DMD: variants seen among roughly 807,000 people sequenced by gnomAD.
DMD encodes the protein mutant dystrophin.
A neutral mutation model predicts 330.1 loss-of-function variants in DMD; 63 were observed. The ratio of observed to expected loss-of-function variants is 0.19; its 90% CI spans 0.16 to 0.24. The LOEUF is 0.24. DMD is among the 10% of genes least tolerant of loss of function. The probability of loss-of-function intolerance (pLI) is 1.00; values close to 1 mark genes in which losing one functional copy is unlikely to be tolerated. For synonymous variants in DMD, 1,223 were observed against 959.8 expected (o/e 1.27, Z -5.07); for missense variants, 3,344 against 2,684.1 (o/e 1.25, Z -5.43).
At chrX:31,511,129 C>T (rs1235876184) in intron 55 of DMD, among the ~76,000 whole-genome samples, 2 of 109,919 alleles carry the variant, frequency 1.8e-5, no homozygotes, top group Admixed American at 2.0e-4. Flanking sequence ...GAACCCAAGG[C>T]TCTCTTTCAA....
chrX:32,899,542 C>T (rs1205382537), intron 2 of DMD, among the ~76,000 whole-genome samples: 1 of 108,328 alleles, frequency 9.2e-6, no homozygotes, highest in Non-Finnish European at 1.9e-5. Flanking sequence ...GTCGTGGTGG[C>T]ACGTGCCTGT....
chrX:32,362,721 G>C, intron 37 of DMD, 67 bp downstream of exon 37: 1 of 1,152,051 alleles, frequency 8.7e-7, no homozygotes, highest in Non-Finnish European at 1.2e-6. Flanking sequence ...GCCCCTTTCA[G>C]AGTACTGCGC....
At chrX:32,292,269 T>C (rs1185292962) in intron 42 of DMD, among the ~76,000 whole-genome samples, 1 of 105,003 alleles carries the variant, frequency 9.5e-6, no homozygotes, top group Middle Eastern at 5.1e-3. Flanking sequence ...TAGATAAATA[T>C]AAATTTTAAC....
chrX:31,786,666 G>C (rs982904430), intron 50 of DMD, among the ~76,000 whole-genome samples: 1 of 111,563 alleles, frequency 9.0e-6, no homozygotes, highest in Non-Finnish European at 1.9e-5. Flanking sequence ...TTGTGGTGTG[G>C]TTGCATTGAC....
In DMD at chrX:31,857,903, TTCAG is replaced by T. The variant is rs2093641769; in HGVS notation, c.7098+17281_7098+17284del. ...CATGAATCACATACTGATTCATTCA[TTCAG>T]TATGTGAATGCATGAGTCTAATCCC... On this transcript the variant is annotated intron_variant, in intron 48 of 78. Coordinates refer to ENST00000357033, the MANE Select transcript of DMD (RefSeq NM_004006.3). Among the ~76,000 whole-genome samples the T allele has an allele frequency of 5.4e-5, 6 of 110,429 alleles. No individual in the cohort carries two copies. In the Admixed American group the frequency reaches 5.8e-4, roughly 11 times the overall value.
chrX:32,269,147 C>T (rs966290054), intron 43 of DMD, among the ~76,000 whole-genome samples: 4 of 110,768 alleles, frequency 3.6e-5, no homozygotes, highest in Non-Finnish European at 5.7e-5. Context: ...AACTGGTATA[C>T]GACCTTCCTC....
rs2032544538 is a variant in DMD at position 31,121,510 on chromosome X, C to CTTTAG, written c.*404_*408dup. On this transcript the variant is annotated 3_prime_UTR_variant, in exon 79 of 79. Transcript: ENST00000357033. ...AAACAACTTTTTTTTATAAAGCACACTTTAGTTTACAATCTTTCTTTATAA... is the reference window on the plus strand; with the variant it reads ...AAACAACTTTTTTTTATAAAGCACACTTTAGTTTAGTTTACAATCTTTCTTTATAA... 5.2e-6 allele frequency: 1 copy of CTTTAG among 191,891 alleles called. No individual in the cohort carries two copies. The allele number at this position is 191,891 out of a possible 1,213,427, so 15.8% of individuals were successfully genotyped here.
At chrX:32,151,452 A>T (rs962657276) in intron 44 of DMD, 1 of 111,705 alleles carries the variant, frequency 9.0e-6, no homozygotes, top group Non-Finnish European at 1.9e-5. Context: ...CAAAGTGACA[A>T]TCATCAAGGG....
chrX:32,874,266 A>G (rs769296894), intron 2 of DMD, among the ~76,000 whole-genome samples: 3 of 112,155 alleles, frequency 2.7e-5, no homozygotes, highest in Non-Finnish European at 3.8e-5. Context: ...TCATTTTTAC[A>G]GAGAGCCAAA....
chrX:32,575,452 T>C (rs1421991390), intron 13 of DMD, among the ~76,000 whole-genome samples: 1 of 112,331 alleles, frequency 8.9e-6, no homozygotes, highest in East Asian at 2.8e-4. Flanking sequence ...ACTCAACTTA[T>C]TTTGAATTAT....
chrX:33,082,124 G>A lies in DMD; in HGVS notation c.32-61924C>T, dbSNP rs138950416. Among the ~76,000 whole-genome samples the A allele has an allele frequency of 7.9e-3, 874 of 110,985 alleles. 8 individuals are homozygous for A. The highest frequency in any genetic ancestry group is 0.027 in the African/African-American group (839 of 30,649). On this transcript the variant is annotated intron_variant, in intron 1 of 78. Transcript: ENST00000357033. ...AAAATGGAGAAAAATAATTCAGTCG[G>A]CTGAGAAGAAAAAACTTTTTCCAAA...
At chrX:33,106,562 C>T (rs2095289639) in intron 1 of DMD, among the ~76,000 whole-genome samples, 1 of 112,167 alleles carries the variant, frequency 8.9e-6, no homozygotes, top group Non-Finnish European at 1.9e-5. Flanking sequence ...AATTTAATTA[C>T]TAGTAATCAT....
chrX:32,629,384 T>C (rs2058585562), intron 11 of DMD, among the ~76,000 whole-genome samples: 1 of 111,953 alleles, frequency 8.9e-6, no homozygotes, highest in Admixed American at 9.5e-5. Flanking sequence ...TCCATCCCTT[T>C]ATTTTCAGTC....
chrX:31,175,769 C>T (rs1356826984), intron 71 of DMD, among the ~76,000 whole-genome samples: 1 of 111,117 alleles, frequency 9.0e-6, no homozygotes, highest in African/African-American at 3.3e-5. Context: ...TCCCACCCAC[C>T]ACCACCTTCT....
At chrX:32,356,710 T>C (rs755017021) in intron 37 of DMD, among the ~76,000 whole-genome samples, 1 of 111,334 alleles carries the variant, frequency 9.0e-6, no homozygotes, top group South Asian at 3.7e-4. Context: ...TATATCTAAA[T>C]CTCTAGAAAA....
chrX:31,812,942 A>G (rs759629568), intron 50 of DMD, among the ~76,000 whole-genome samples: 7 of 112,554 alleles, frequency 6.2e-5, no homozygotes, highest in Non-Finnish European at 1.3e-4. Flanking sequence ...CCCTGAGACA[A>G]GGATTTAAAT....
chrX:32,978,036 T>C (rs760152446), intron 2 of DMD, among the ~76,000 whole-genome samples: 33 of 112,041 alleles, frequency 2.9e-4, no homozygotes, highest in African/African-American at 9.4e-4. Flanking sequence ...GACAAAACTA[T>C]TACCAGTTAT....
chrX:31,396,355 T>G (rs2060937140), intron 60 of DMD, among the ~76,000 whole-genome samples: 1 of 110,330 alleles, frequency 9.1e-6, no homozygotes, highest in Non-Finnish European at 1.9e-5. Context: ...GCCAGGATGG[T>G]CTCCATCTCC....
chrX:33,029,332 A>T (rs1276143203), intron 1 of DMD, among the ~76,000 whole-genome samples: 1 of 112,294 alleles, frequency 8.9e-6, no homozygotes, highest in Non-Finnish European at 1.9e-5. Context: ...TTTCTTGCAA[A>T]CAATCTGCCT....
Sources: allele counts gnomAD v4.1 joint callset (sites outside exome capture counted in the v4.1 genomes callset), GRCh38; gene constraint gnomAD v4.1.1; transcripts MANE v1.5; gene names NCBI Gene and HGNC (gene_info 2026-07-23, HGNC 2026-07-21).